The following FMN2 variants were observed in gnomAD, a reference collection of about 807,000 sequenced individuals.
FMN2 encodes the protein formin-2.
Under a neutral mutation model 142.3 loss-of-function variants are expected in FMN2, and 51 were observed. That is an observed-to-expected ratio of 0.36 (90% confidence interval 0.29 to 0.45). FMN2 has a LOEUF of 0.45. Among genes scored for constraint, FMN2 ranks in the 20% least tolerant of loss-of-function variants. The pLI, the probability that FMN2 is intolerant of heterozygous loss-of-function variation, is 1.00. For synonymous variants in FMN2, 882 were observed against 869.8 expected, an observed-to-expected ratio of 1.01 and a Z score of -0.25; for missense variants, 1,936 against 2,122.8, an observed-to-expected ratio of 0.91 and a Z score of 1.73.
intron 8 of FMN2, among the ~76,000 whole-genome samples, chr1:240,298,956 A>AT (rs879422123): frequency 0.017 from 2,486 of 146,636 alleles, 23 homozygotes; most frequent in Non-Finnish European, 0.024. Flanking sequence ...TATTAGTTGA[A>AT]TTTTTTTTTT....
Position 240,207,343 on chromosome 1 carries a change from C to T in FMN2, c.2531C>T (p.Ser844Phe), listed in dbSNP as rs749555339. The T allele has an allele frequency of 6.2e-7, 1 of 1,613,840 alleles. No homozygotes were observed. Among genetic ancestry groups the T allele is most frequent in the South Asian group, 1.1e-5 (1 of 91,076 alleles). ...GAGTTTCAAACCAGCCACGAACACT[C>T]TGTTTCCTCTGCCTTTAAAAACAGC... is the stretch of plus-strand genomic sequence containing the variant. ...STEFQTSHEH[S>F]VSSAFKNSCN... Residue 844 changes from serine to phenylalanine, a missense_variant, in exon 5 of 18, where the codon TCT (serine) becomes TTT (phenylalanine). Physicochemically the swap from Ser to Phe is radical, Grantham distance 155. This residue lies in a region of FMN2 where 478 missense variants were observed against 462.8 expected (regional missense o/e 1.03). Transcript: ENST00000319653.
intron 4 of FMN2, among the ~76,000 whole-genome samples, chr1:240,188,740 C>T (rs78449646): frequency 2.6e-3 from 390 of 152,078 alleles, no homozygotes; most frequent in Non-Finnish European, 4.3e-3. Context: ...TGTATTAGTC[C>T]GTTTTCACAC....
rs115681620 is a variant in FMN2 at position 240,230,942 on chromosome 1, G to T, written c.4065+19707G>T. ...CAGCTTTTCTTCAATGGCCTAGATC[G>T]GCACAAGGCTCCATAGAAATTGGCT... On this transcript the variant is annotated intron_variant, in intron 6 of 17. Coordinates refer to ENST00000319653, the MANE Select transcript of FMN2 (RefSeq NM_020066.5). Among the ~76,000 whole-genome samples, 2 of 131,556 alleles carry T rather than the reference G, an allele frequency of 1.5e-5. 1 individual carries two copies. Among genetic ancestry groups the T allele is most frequent in the African/African-American group, 6.5e-5 (2 of 30,742 alleles). The allele number at this position is 131,556 out of a possible 152,430, so 86.3% of individuals were successfully genotyped here. A position where few individuals can be genotyped will look rare whatever the true frequency, so the allele number is the denominator to read the frequency against.
intron 2 of FMN2, chr1:240,143,661 C>T: frequency 6.2e-7 from 1 of 1,610,074 alleles, no homozygotes; most frequent in African/African-American, 1.3e-5. Context: ...CCAGGATTGC[C>T]TCGATGGCCT....
intron 10 of FMN2, 128 bp from the exon 11 acceptor site, chr1:240,330,475 A>G: frequency 2.3e-6 from 2 of 878,714 alleles, no homozygotes; most frequent in Non-Finnish European, 3.4e-6. Flanking sequence ...CCTAATAATT[A>G]GGAATGATAA....
intron 16 of FMN2, among the ~76,000 whole-genome samples, chr1:240,465,564 C>T (rs944702559): frequency 2.6e-5 from 4 of 152,228 alleles, no homozygotes; most frequent in South Asian, 2.1e-4. Flanking sequence ...AACCTCAGAC[C>T]TGTGACATCC....
intron 15 of FMN2, among the ~76,000 whole-genome samples, chr1:240,408,952 G>C (rs1002517856): frequency 3.3e-5 from 5 of 152,034 alleles, no homozygotes; most frequent in South Asian, 2.1e-4. Flanking sequence ...TTCAAAACTC[G>C]TGCAGCTTAG....
chr1:240,353,114 C>A (rs2103042964), intron 13 of FMN2, among the ~76,000 whole-genome samples: 1 of 152,330 alleles, frequency 6.6e-6, no homozygotes, highest in South Asian at 2.1e-4. Flanking sequence ...CCCGGTCATT[C>A]ATGAGACCAC....
chr1:240,166,293 G>A (rs996246445), intron 2 of FMN2, among the ~76,000 whole-genome samples: 2 of 151,660 alleles, frequency 1.3e-5, no homozygotes, highest in Non-Finnish European at 2.9e-5. Context: ...GCAATGGCAC[G>A]ATCTTGGCTC....
chr1:240,119,251 C>T (rs758007080), intron 1 of FMN2, among the ~76,000 whole-genome samples: 1 of 151,564 alleles, frequency 6.6e-6, no homozygotes, highest in Non-Finnish European at 1.5e-5. Flanking sequence ...ATTGCTTGAA[C>T]CTGGGAGGCG....
At chr1:240,114,509 G>C (rs1661942112) in intron 1 of FMN2, among the ~76,000 whole-genome samples, 1 of 152,044 alleles carries the variant, frequency 6.6e-6, no homozygotes, top group African/African-American at 2.4e-5. Context: ...ATGATCCCTG[G>C]GTTTGGGGCT....
intron 16 of FMN2, among the ~76,000 whole-genome samples, chr1:240,445,718 T>TTTTC (rs1388118483): frequency 1.4e-5 from 2 of 147,000 alleles, no homozygotes; most frequent in African/African-American, 2.5e-5. Context: ...TTTTTTTTTC[T>TTTTC]GGAGAGAAAA....
intron 1 of FMN2, among the ~76,000 whole-genome samples, chr1:240,102,864 AT>A (rs112563396): frequency 0.024 from 3,268 of 138,392 alleles, 75 homozygotes; most frequent in African/African-American, 0.071. Context: ...TGATCCTTTA[AT>A]TTTTTTTTTT....
chr1:240,165,250 A>C (rs765309841), intron 2 of FMN2, among the ~76,000 whole-genome samples: 2 of 152,176 alleles, frequency 1.3e-5, no homozygotes, highest in Non-Finnish European at 2.9e-5. Flanking sequence ...ATCATAGCTC[A>C]CTGCAGCCTC....
intron 2 of FMN2, chr1:240,142,656 CT>C: frequency 6.2e-7 from 1 of 1,602,324 alleles, no homozygotes; most frequent in Non-Finnish European, 8.5e-7. Context: ...TTCAGAGCCC[CT>C]GGTGGTCACT....
At position 240,334,100 on chromosome 1, in the gene FMN2, G is replaced by GTTC. The variant is rs770264318; in HGVS notation, c.4645-8_4645-6dup. Reference sequence around the variant, plus strand: ...TTCTTTAAATATGATGGGGTTTTTTGTTCATTAGGATGCTGGAAAAGAACA... The same window carrying GTTC: ...TTCTTTAAATATGATGGGGTTTTTTGTTCTTCATTAGGATGCTGGAAAAGAACA... On this transcript the variant is annotated splice_polypyrimidine_tract_variant and intron_variant, in intron 12 of 17. Coordinates refer to ENST00000319653, the MANE Select transcript of FMN2 (RefSeq NM_020066.5). The GTTC allele has an allele frequency of 3.2e-6, 5 of 1,584,626 alleles. No homozygotes were observed. Among genetic ancestry groups the GTTC allele is most frequent in the Non-Finnish European group, 8.5e-7 (1 of 1,172,190 alleles).
intron 15 of FMN2, among the ~76,000 whole-genome samples, chr1:240,426,084 G>A (rs1674929027): frequency 6.6e-6 from 1 of 152,162 alleles, no homozygotes; most frequent in Admixed American, 6.5e-5. Context: ...TATTTAAATA[G>A]TGTTTCATTT....
chr1:240,174,532 A>T (rs1044360592), intron 2 of FMN2, among the ~76,000 whole-genome samples: 1 of 152,036 alleles, frequency 6.6e-6, no homozygotes, highest in Admixed American at 6.5e-5. Context: ...TTTTTTAAAA[A>T]TTTTTAAATA....
intron 15 of FMN2, among the ~76,000 whole-genome samples, chr1:240,435,425 A>C (rs1158600534): frequency 2.6e-5 from 4 of 152,002 alleles, no homozygotes; most frequent in African/African-American, 9.6e-5. Flanking sequence ...TCACATGAGA[A>C]TCTGTTAATA....
Sources: gnomAD v4.1 joint callset for allele counts (sites outside exome capture counted in the v4.1 genomes callset) on GRCh38, gnomAD v4.1.1 for gene constraint, gnomAD v4.1.1 regional missense constraint, MANE v1.5 for transcripts, NCBI Gene and HGNC (gene_info 2026-07-23, HGNC 2026-07-21) for gene names.